The following LMNB1 variants were observed in gnomAD, a reference collection of about 807,000 sequenced individuals.
LMNB1 encodes the protein lamin-B1.
LMNB1 carries 23 observed loss-of-function variants against 67.1 expected under a neutral mutation model. That is an observed-to-expected ratio of 0.34 (90% CI 0.25 to 0.49). The LOEUF is 0.49. Among genes scored for constraint, LMNB1 ranks in the 20% least tolerant of loss-of-function variants. LMNB1 has a pLI of 0.99. For synonymous variants in LMNB1, 281 were observed against 282.9 expected (o/e 0.99, Z 0.07); for missense variants, 634 against 746.5 (o/e 0.85, Z 1.76).
rs1189764766 is a variant in LMNB1, at chr5:126,777,170, G to C, written c.-339G>C. The stretch of plus-strand genomic sequence containing the variant: ...AGCCTGAGAGGAAACAAAGTGCTGC[G>C]AGCAGGAGACGGCGGCGGCGCGAAC... On this transcript the variant is annotated 5_prime_UTR_variant, in exon 1 of 11. Transcript: ENST00000261366. 4.7e-6 allele frequency: 1 copy of C among 213,684 alleles called. No individual in the cohort carries two copies. Among genetic ancestry groups the C allele is most frequent in the African/African-American group, 2.3e-5 (1 of 43,402 alleles). 13.2% of individuals were successfully genotyped at this position (213,684 alleles called of 1,614,324 possible). A position where few individuals can be genotyped will look rare whatever the true frequency, so the allele number is the denominator to read the frequency against.
intron 5 of LMNB1, among the ~76,000 whole-genome samples, chr5:126,812,676 A>G (rs946793351): frequency 6.7e-6 from 1 of 148,320 alleles, no homozygotes; most frequent in Non-Finnish European, 1.5e-5. Flanking sequence ...AAGGGAGGAA[A>G]TCTTGTTTTG....
rs201581321 is a variant in LMNB1 at position 126,822,753 on chromosome 5, C to T, written c.1387-28C>T. 6.8e-5 allele frequency: 90 copies of T among 1,331,810 alleles called. No individual in the cohort carries two copies. The East Asian group carries it at 1.8e-3, about 27-fold the overall frequency. The allele number at this position is 1,331,810 out of a possible 1,614,324, so 82.5% of individuals were successfully genotyped here. A position where few individuals can be genotyped will look rare whatever the true frequency, so the allele number is the denominator to read the frequency against. On this transcript the variant is annotated intron_variant, in intron 7 of 10. Coordinates refer to ENST00000261366, the MANE Select transcript of LMNB1 (RefSeq NM_005573.4). ...ACAACTTTCTTTATCTTTGAAGTAA[C>T]ACCCCTCACCCTCCTTTCTGTGTGT...
At chr5:126,804,750 T>C (rs369248500) in intron 1 of LMNB1, 26 bp from the exon 2 acceptor site, 1 of 1,607,960 alleles carries the variant, frequency 6.2e-7, no homozygotes, top group East Asian at 2.2e-5. Context: ...TGGTTTGATG[T>C]CTTATGCTTT....
chr5:126,819,199 T>G, intron 6 of LMNB1, 57 bp downstream of exon 6: 1 of 1,163,462 alleles, frequency 8.6e-7, no homozygotes, highest in South Asian at 1.4e-5. Context: ...CTCACCCTTT[T>G]TATTGAAATA....
chr5:126,805,707 A>G lies in LMNB1; in HGVS notation c.642+11A>G. 1 of 1,591,226 alleles carries G rather than the reference A, an allele frequency of 6.3e-7. No individual in the cohort carries two copies. Among genetic ancestry groups the G allele is most frequent in the Non-Finnish European group, 8.6e-7 (1 of 1,168,206 alleles). ...AGCATGTATGAAGAGGTAACTATAT[A>G]TAATTTTGCTTTGTAAAGGAATGGA... is the stretch of plus-strand genomic sequence containing the variant. On this transcript the variant is annotated intron_variant, in intron 3 of 10. Transcript: ENST00000261366.
chr5:126,792,742 A>G (rs1175617294), intron 1 of LMNB1, among the ~76,000 whole-genome samples: 1 of 151,494 alleles, frequency 6.6e-6, no homozygotes, highest in African/African-American at 2.4e-5. Flanking sequence ...ACGCCTGGCT[A>G]ATTTTGTATT....
chr5:126,781,354 TTTC>T (rs1750628778), intron 1 of LMNB1, among the ~76,000 whole-genome samples: 1 of 152,208 alleles, frequency 6.6e-6, no homozygotes, highest in Admixed American at 6.6e-5. Flanking sequence ...GGAGGTAAAC[TTTC>T]TGAGTCCTGT....
In LMNB1 at chr5:126,777,851, G is replaced by C. The variant is rs1750510022; in HGVS notation, c.343G>C (p.Asp115His). ...IELGKCKAEH[D>H]QLLLNYAKKE... Reference sequence around the variant, plus strand: ...GCTGGGCAAGTGCAAGGCGGAACACGACCAGCTGCTCCTCAAGTGAGTGCT... The same window carrying C: ...GCTGGGCAAGTGCAAGGCGGAACACCACCAGCTGCTCCTCAAGTGAGTGCT... The change falls in exon 1 of 11, where the codon GAC becomes CAC. Residue 115 changes from aspartate to histidine, a missense_variant. Transcript: ENST00000261366. 7.0e-7 allele frequency: 1 copy of C among 1,437,158 alleles called. No homozygotes were observed. 89.0% of individuals were successfully genotyped at this position (1,437,158 alleles called of 1,614,324 possible). A position where few individuals can be genotyped will look rare whatever the true frequency, so the allele number is the denominator to read the frequency against.
intron 1 of LMNB1, among the ~76,000 whole-genome samples, chr5:126,802,427 A>G (rs1751307379): frequency 6.6e-6 from 1 of 152,194 alleles, no homozygotes; most frequent in African/African-American, 2.4e-5. Context: ...TTTTAAGAAC[A>G]GGTATTAATA....
At chr5:126,831,382 G>C (rs1205711319) in intron 9 of LMNB1, among the ~76,000 whole-genome samples, 1 of 152,198 alleles carries the variant, frequency 6.6e-6, no homozygotes, top group Non-Finnish European at 1.5e-5. Context: ...TTTGTGCCAA[G>C]TCAGCATTTT....
intron 1 of LMNB1, among the ~76,000 whole-genome samples, chr5:126,803,438 G>A (rs1751337494): frequency 6.6e-6 from 1 of 151,836 alleles, no homozygotes; most frequent in African/African-American, 2.4e-5. Flanking sequence ...AGTAGAGACG[G>A]GGTTTCTCCA....
rs1750482536 is a variant in LMNB1 at position 126,777,331 on chromosome 5, T to C, written c.-178T>C. Reference sequence around the variant, plus strand: ...TTCCCCCCCGCGCGCCTTTGCCCTTTGTGCTGTAATCGAGCTCCCGCCATC... The same window carrying C: ...TTCCCCCCCGCGCGCCTTTGCCCTTCGTGCTGTAATCGAGCTCCCGCCATC... On this transcript the variant is annotated 5_prime_UTR_variant, in exon 1 of 11. Coordinates refer to ENST00000261366, the MANE Select transcript of LMNB1 (RefSeq NM_005573.4). The C allele has an allele frequency of 3.5e-6, 2 of 578,456 alleles. No homozygotes were observed. Among genetic ancestry groups the C allele is most frequent in the Admixed American group, 9.1e-5 (2 of 22,032 alleles). 35.8% of individuals were successfully genotyped at this position (578,456 alleles called of 1,614,324 possible).
intron 1 of LMNB1, among the ~76,000 whole-genome samples, chr5:126,802,855 A>G (rs1301801689): frequency 1.3e-5 from 2 of 152,154 alleles, no homozygotes; most frequent in Non-Finnish European, 2.9e-5. Context: ...CAAATGAACT[A>G]TAATTTTATA....
chr5:126,831,872 A>G (rs1486833209), intron 9 of LMNB1, among the ~76,000 whole-genome samples: 2 of 152,234 alleles, frequency 1.3e-5, no homozygotes, highest in African/African-American at 4.8e-5. Context: ...CCTGCAGGAA[A>G]TATGGAAGGT....
intron 1 of LMNB1, among the ~76,000 whole-genome samples, chr5:126,800,982 A>AAT (rs1332039988): frequency 8.0e-4 from 15 of 18,636 alleles, no homozygotes; most frequent in African/African-American, 2.2e-3. Flanking sequence ...TATATATATA[A>AAT]TTTTTTTTTT....
In LMNB1 at chr5:126,836,998, TAAAA is replaced by T; in HGVS notation, c.*737_*740del. 2.5e-6 allele frequency: 1 copy of T among 397,820 alleles called. No individual in the cohort carries two copies. The highest frequency in any genetic ancestry group is 4.4e-6 in the Non-Finnish European group (1 of 225,612). 24.6% of individuals were successfully genotyped at this position (397,820 alleles called of 1,614,324 possible). A position where few individuals can be genotyped will look rare whatever the true frequency, so the allele number is the denominator to read the frequency against. ...AAATTTCTTATGTGACATTAACAAATAAAAAAGCTCTTTTAATATTGATATACTG... is the reference window on the plus strand; with the variant it reads ...AAATTTCTTATGTGACATTAACAAATAAGCTCTTTTAATATTGATATACTG... On this transcript the variant is annotated 3_prime_UTR_variant, in exon 11 of 11. Coordinates refer to ENST00000261366, the MANE Select transcript of LMNB1 (RefSeq NM_005573.4).
intron 1 of LMNB1, among the ~76,000 whole-genome samples, chr5:126,799,177 C>T (rs988101384): frequency 6.6e-5 from 10 of 152,132 alleles, no homozygotes; most frequent in African/African-American, 1.2e-4. Flanking sequence ...CGCCACCTCG[C>T]CCGGCTAATT....
At chr5:126,783,842 G>A (rs975118429) in intron 1 of LMNB1, among the ~76,000 whole-genome samples, 3 of 151,858 alleles carry the variant, frequency 2.0e-5, no homozygotes, top group Non-Finnish European at 1.5e-5. Context: ...TGCCATTAGT[G>A]TAAGTCTCTT....
intron 1 of LMNB1, among the ~76,000 whole-genome samples, chr5:126,784,958 C>G (rs143114145): frequency 7.1e-6 from 1 of 141,080 alleles, no homozygotes; most frequent in Admixed American, 7.1e-5. Context: ...CACTGCCCTC[C>G]GCCCGAATTT....
Sources: allele counts gnomAD v4.1 joint callset (sites outside exome capture counted in the v4.1 genomes callset), GRCh38; gene constraint gnomAD v4.1.1; transcripts MANE v1.5; gene names NCBI Gene and HGNC (gene_info 2026-07-23, HGNC 2026-07-21).